COG5: variants seen among roughly 807,000 people sequenced by gnomAD.
The protein encoded by COG5 is conserved oligomeric Golgi complex subunit 5.
COG5 carries 86 observed loss-of-function variants against 110.4 expected under a neutral mutation model. That is an observed-to-expected ratio of 0.78 (90% CI 0.65 to 0.93). The LOEUF (loss-of-function observed/expected upper bound fraction) is 0.93, where lower values mean the gene tolerates loss of function less well. Ranked by LOEUF, COG5 falls within the 40% of genes least tolerant of loss-of-function variation. The pLI, the probability that COG5 is intolerant of heterozygous loss-of-function variation, is 0.00. For missense variants in COG5, 1,077 were observed against 987.0 expected, an observed-to-expected ratio of 1.09 and a Z score of -1.22; for synonymous variants, 360 against 334.6, an observed-to-expected ratio of 1.08 and a Z score of -0.83.
chr7:107,298,093 A>T, intron 12 of COG5, 49 bp downstream of exon 12: 1 of 896,106 alleles, frequency 1.1e-6, no homozygotes, highest in Non-Finnish European at 1.6e-6. Flanking sequence ...AATTTAAAAT[A>T]AAAATAAAAT....
intron 6 of COG5, among the ~76,000 whole-genome samples, chr7:107,492,269 T>C (rs924362525): frequency 6.6e-6 from 1 of 151,790 alleles, no homozygotes; most frequent in Non-Finnish European, 1.5e-5. Flanking sequence ...ATCATTCTTC[T>C]TCCTCCAAAA....
intron 6 of COG5, among the ~76,000 whole-genome samples, chr7:107,506,888 CT>C: frequency 6.6e-6 from 1 of 152,326 alleles, no homozygotes; most frequent in South Asian, 2.1e-4. Flanking sequence ...TTGGGAGGTT[CT>C]TTCAACCTGT....
intron 11 of COG5, among the ~76,000 whole-genome samples, chr7:107,313,641 T>C (rs945992640): frequency 1.3e-5 from 2 of 152,150 alleles, no homozygotes; most frequent in Non-Finnish European, 2.9e-5. Context: ...CCTTGGTTTG[T>C]GGCCCCCCTT....
chr7:107,282,695 T>C (rs1044535208), intron 13 of COG5, among the ~76,000 whole-genome samples: 2 of 152,206 alleles, frequency 1.3e-5, no homozygotes, highest in Admixed American at 1.3e-4. Flanking sequence ...CTAATTTTTG[T>C]ATTTTTAGTA....
At chr7:107,224,799 A>G (rs1800200564) in intron 19 of COG5, among the ~76,000 whole-genome samples, 1 of 152,204 alleles carries the variant, frequency 6.6e-6, no homozygotes, top group East Asian at 1.9e-4. Flanking sequence ...CTTGTGTAGA[A>G]ATACAAATCA....
chr7:107,412,578 A>G lies in COG5; in HGVS notation c.593T>C (p.Leu198Pro). The change falls in exon 7 of 22, where the codon CTA becomes CCA. Residue 198 changes from leucine to proline, a missense_variant. Transcript: ENST00000297135. ...AAGTCGGGCTCTTGCAATAAAAAGT[A>G]GATCATTTTCTATCACTTCTATTCC... ...LSGIEVIEND[L>P]LFIARARLEV... 1 of 1,603,694 alleles carries G rather than the reference A, an allele frequency of 6.2e-7. No homozygotes were observed. The highest frequency in any genetic ancestry group is 8.5e-7 in the Non-Finnish European group (1 of 1,171,146).
At chr7:107,470,953 C>T (rs1796597746) in intron 6 of COG5, among the ~76,000 whole-genome samples, 1 of 151,772 alleles carries the variant, frequency 6.6e-6, no homozygotes, top group Non-Finnish European at 1.5e-5. Flanking sequence ...AAAATTCAAA[C>T]CATGTGCTAA....
intron 12 of COG5, among the ~76,000 whole-genome samples, chr7:107,293,938 GGT>G (rs1389119733): frequency 6.6e-6 from 1 of 151,990 alleles, no homozygotes; most frequent in Admixed American, 6.6e-5. Context: ...TGGGCATGGT[GGT>G]GTGTGCCCAT....
chr7:107,528,703 A>C (rs555433684), intron 5 of COG5, among the ~76,000 whole-genome samples: 6 of 152,312 alleles, frequency 3.9e-5, no homozygotes, highest in African/African-American at 1.2e-4. Flanking sequence ...AATGGCCCCA[A>C]GGCTAACTGA....
chr7:107,233,873 C>T (rs1800955742), intron 18 of COG5, among the ~76,000 whole-genome samples: 1 of 152,022 alleles, frequency 6.6e-6, no homozygotes, highest in Non-Finnish European at 1.5e-5. Context: ...AAATGTGATG[C>T]TAAAAGCTGA....
chr7:107,270,909 T>TTTTTTG (rs1804217608), intron 14 of COG5, among the ~76,000 whole-genome samples: 1 of 128,448 alleles, frequency 7.8e-6, no homozygotes, highest in South Asian at 2.6e-4. Flanking sequence ...TTTTTTTTTT[T>TTTTTTG]GTAGAGATGG....
At chr7:107,298,757 A>G (rs77671232) in intron 11 of COG5, among the ~76,000 whole-genome samples, 30,383 of 152,118 alleles carry the variant, frequency 0.2, 3,145 homozygotes, top group Non-Finnish European at 0.22. Flanking sequence ...TGCACATGGA[A>G]TATTTACCAA....
At chr7:107,239,969 C>T (rs1801487197) in intron 17 of COG5, among the ~76,000 whole-genome samples, 1 of 152,184 alleles carries the variant, frequency 6.6e-6, no homozygotes, top group South Asian at 2.1e-4. Flanking sequence ...AGTGCTCTCC[C>T]TTCCACAAAG....
rs571359794 is a variant in COG5 at position 107,206,061 on chromosome 7, C to T, written c.2376-2431G>A. 3.3e-5 allele frequency among the ~76,000 whole-genome samples: 5 copies of T among 151,906 alleles called. 1 individual carries two copies. In the South Asian group the frequency reaches 1.0e-3, roughly 32 times the overall value. The stretch of plus-strand genomic sequence containing the variant: ...CTGCAAGCTCCGCCTCCTGGGTTCA[C>T]GCCATTCTCCTGCCTCAGCCTCCCG... On this transcript the variant is annotated intron_variant, in intron 21 of 21. Transcript: ENST00000297135.
chr7:107,540,314 T>C (rs976028261), intron 5 of COG5, among the ~76,000 whole-genome samples: 2 of 152,130 alleles, frequency 1.3e-5, no homozygotes, highest in Non-Finnish European at 2.9e-5. Flanking sequence ...GGCTCATGCC[T>C]GCAATCCCAG....
At chr7:107,227,541 AG>A (rs1800438714) in intron 19 of COG5, among the ~76,000 whole-genome samples, 1 of 152,196 alleles carries the variant, frequency 6.6e-6, no homozygotes, top group Non-Finnish European at 1.5e-5. Context: ...AGAATTGGAA[AG>A]GGTTGGCAGA....
intron 6 of COG5, among the ~76,000 whole-genome samples, chr7:107,484,047 C>T (rs959291715): frequency 1.3e-5 from 2 of 152,028 alleles, no homozygotes; most frequent in Non-Finnish European, 2.9e-5. Flanking sequence ...TATATATCCT[C>T]CCTTATCCTA....
In COG5 at chr7:107,260,220, G is replaced by A. The variant is rs559524319; in HGVS notation, c.1576-1837C>T. ...GACAAATAAAATGTAGAATATCCAC[G>A]CAATGGAACATTACTTAGCAACACA... On this transcript the variant is annotated intron_variant, in intron 14 of 21. Coordinates refer to ENST00000297135, the MANE Select transcript of COG5 (RefSeq NM_006348.5). Among the ~76,000 whole-genome samples the A allele has an allele frequency of 8.6e-5, 13 of 152,010 alleles. No homozygotes were observed. In the East Asian group the frequency reaches 2.5e-3, roughly 29 times the overall value.
At chr7:107,554,823 G>GT in intron 2 of COG5, among the ~76,000 whole-genome samples, 1 of 152,174 alleles carries the variant, frequency 6.6e-6, no homozygotes, top group East Asian at 1.9e-4. Context: ...CTAAACCCTA[G>GT]TAAGAGCCCC....
Sources: gnomAD v4.1 joint callset for allele counts (sites outside exome capture counted in the v4.1 genomes callset) on GRCh38, gnomAD v4.1.1 for gene constraint, MANE v1.5 for transcripts, NCBI Gene and HGNC (gene_info 2026-07-23, HGNC 2026-07-21) for gene names.